Variants in BLK observed in about 807,000 individuals in gnomAD.
BLK encodes tyrosine-protein kinase Blk.
In BLK, 64 loss-of-function variants were observed where a neutral mutation model predicts 61.8. The ratio of observed to expected loss-of-function variants is 1.03; its 90% CI spans 0.85 to 1.27. The LOEUF (loss-of-function observed/expected upper bound fraction) is 1.27, where lower values mean the gene tolerates loss of function less well. BLK is among the 50% of genes most tolerant of loss of function. BLK has a pLI of 0.00. For missense variants in BLK, 853 were observed against 660.5 expected, an observed-to-expected ratio of 1.29 and a Z score of -3.19; for synonymous variants, 351 against 272.0, an observed-to-expected ratio of 1.29 and a Z score of -2.86.
intron 6 of BLK, among the ~76,000 whole-genome samples, chr8:11,552,012 A>T (rs1800927276): frequency 6.6e-6 from 1 of 152,196 alleles, no homozygotes; most frequent in Admixed American, 6.5e-5. Flanking sequence ...ACAGCCTTGT[A>T]GCCAATTTTA....
intron 10 of BLK, chr8:11,560,109 G>A (rs533046030): frequency 2.9e-5 from 6 of 209,842 alleles, no homozygotes; most frequent in Non-Finnish European, 4.6e-5. Flanking sequence ...TGTAGCAAGG[G>A]GATGGATGGA....
At chr8:11,523,428 CT>C (rs1411225965) in intron 1 of BLK, among the ~76,000 whole-genome samples, 3 of 152,064 alleles carry the variant, frequency 2.0e-5, no homozygotes, top group Non-Finnish European at 4.4e-5. Context: ...TGGTGGGCGC[CT>C]GTAGTCCCAG....
At chr8:11,545,174 G>A (rs2245030) in intron 2 of BLK, among the ~76,000 whole-genome samples, 149,624 of 152,342 alleles carry the variant, frequency 0.98, 73,502 homozygotes, top group East Asian at 1. Context: ...GCACGTGGCT[G>A]TTGCTCATTA....
chr8:11,537,256 G>C (rs1282336165), intron 1 of BLK, among the ~76,000 whole-genome samples: 1 of 152,110 alleles, frequency 6.6e-6, no homozygotes, highest in Non-Finnish European at 1.5e-5. Context: ...TAGCATTGGT[G>C]GTTTGTACTG....
intron 1 of BLK, among the ~76,000 whole-genome samples, chr8:11,506,511 C>G (rs1272978233): frequency 6.6e-6 from 1 of 152,036 alleles, no homozygotes; most frequent in Non-Finnish European, 1.5e-5. Context: ...ACTGGATTTA[C>G]GTATGTTGAG....
intron 1 of BLK, among the ~76,000 whole-genome samples, chr8:11,501,523 T>C (rs191752246): frequency 3.3e-5 from 5 of 152,318 alleles, no homozygotes; most frequent in African/African-American, 1.2e-4. Context: ...TGGTAAACGT[T>C]TAACAACCAG....
intron 1 of BLK, among the ~76,000 whole-genome samples, chr8:11,538,843 C>G (rs887228442): frequency 3.3e-5 from 5 of 152,218 alleles, no homozygotes; most frequent in Admixed American, 2.0e-4. Flanking sequence ...CAGGCTGGCC[C>G]TGGCTCCAGG....
chr8:11,523,419 G>C (rs565117143), intron 1 of BLK, among the ~76,000 whole-genome samples: 189 of 152,160 alleles, frequency 1.2e-3, no homozygotes, highest in Admixed American at 3.3e-3. Context: ...CGAGCATGGT[G>C]GTGGGCGCCT....
rs143611630 is a variant in BLK at position 11,527,718 on chromosome 8, C to T, written c.-1-15506C>T. On this transcript the variant is annotated intron_variant, in intron 1 of 12. Transcript: ENST00000259089. Reference sequence around the variant, plus strand: ...GGTGGGGCCACAGGACAAGTTGAGTCATGAGTTTTGAGTTTGGGTGGGGTC... The same window carrying T: ...GGTGGGGCCACAGGACAAGTTGAGTTATGAGTTTTGAGTTTGGGTGGGGTC... Among the ~76,000 whole-genome samples the T allele has an allele frequency of 1.7e-3, 259 of 150,988 alleles. 1 individual carries two copies. The highest frequency in any genetic ancestry group is 6.1e-3 in the African/African-American group (249 of 40,964).
intron 1 of BLK, among the ~76,000 whole-genome samples, chr8:11,525,902 G>A (rs1037008421): frequency 3.9e-5 from 6 of 152,078 alleles, no homozygotes; most frequent in African/African-American, 1.4e-4. Context: ...CCACCACCAT[G>A]TCCGGCTGAT....
In BLK at chr8:11,563,940, C is replaced by G; in HGVS notation, c.1350C>G (p.Arg450=). 1 of 1,608,064 alleles carries G rather than the reference C, an allele frequency of 6.2e-7. No individual in the cohort carries two copies. Among genetic ancestry groups the G allele is most frequent in the Non-Finnish European group, 8.5e-7 (1 of 1,179,416 alleles). ...CCGAGGTCATCCGCAACCTGGAGCGCGGCTACCGCATGCCGCGCCCCGACA... is the reference window on the plus strand; with the variant it reads ...CCGAGGTCATCCGCAACCTGGAGCGGGGCTACCGCATGCCGCGCCCCGACA... ...SNPEVIRNLE[R]GYRMPRPDTC... is the part of the protein sequence containing the mutation. Residue 450 remains arginine (R), a synonymous_variant, in exon 13 of 13, where the codon CGC becomes CGG. Coordinates refer to ENST00000259089, the MANE Select transcript of BLK (RefSeq NM_001715.3).
intron 1 of BLK, among the ~76,000 whole-genome samples, chr8:11,513,923 C>G (rs1273781953): frequency 6.6e-6 from 1 of 152,148 alleles, no homozygotes; most frequent in Non-Finnish European, 1.5e-5. Context: ...CTCGGAGAAG[C>G]CTGCACCTTG....
At chr8:11,540,354 G>A (rs1036596981) in intron 1 of BLK, among the ~76,000 whole-genome samples, 1 of 151,900 alleles carries the variant, frequency 6.6e-6, no homozygotes, top group African/African-American at 2.4e-5. Context: ...ACCAAAATCT[G>A]TTTGTATGTT....
intron 1 of BLK, among the ~76,000 whole-genome samples, chr8:11,518,030 C>T (rs763821211): frequency 1.3e-5 from 2 of 152,166 alleles, no homozygotes; most frequent in Admixed American, 6.5e-5. Flanking sequence ...AGGGCCTGCC[C>T]CAGATGCCAG....
intron 1 of BLK, among the ~76,000 whole-genome samples, chr8:11,497,161 C>T (rs1201374653): frequency 6.6e-6 from 1 of 152,118 alleles, no homozygotes; most frequent in South Asian, 2.1e-4. Flanking sequence ...GAAGACAGCA[C>T]GTAGATGGAA....
chr8:11,563,850 A>C, intron 12 of BLK, 53 bp from the exon 13 acceptor site: 8 of 1,515,910 alleles, frequency 5.3e-6, no homozygotes, highest in South Asian at 2.4e-5. Flanking sequence ...AGGGCCCCCC[A>C]CCCACCGAGG....
At chr8:11,515,000 G>C (rs923039157) in intron 1 of BLK, among the ~76,000 whole-genome samples, 6 of 152,070 alleles carry the variant, frequency 3.9e-5, no homozygotes, top group Admixed American at 6.6e-5. Context: ...CACCTCTTCT[G>C]GAGTCCTCCC....
chr8:11,563,789 T>A (rs951253648), intron 12 of BLK, 114 bp from the exon 13 acceptor site: 9 of 1,003,438 alleles, frequency 9.0e-6, no homozygotes, highest in African/African-American at 8.1e-5. Context: ...GGTCTGGGAC[T>A]GTGGGCACTG....
chr8:11,545,440 T>C (rs1800587585), intron 2 of BLK, among the ~76,000 whole-genome samples: 1 of 152,114 alleles, frequency 6.6e-6, no homozygotes, highest in Non-Finnish European at 1.5e-5. Flanking sequence ...TCTCAGCTAC[T>C]TGGGAGGCTG....
Sources: allele counts gnomAD v4.1 joint callset (sites outside exome capture counted in the v4.1 genomes callset), GRCh38; gene constraint gnomAD v4.1.1; transcripts MANE v1.5; gene names NCBI Gene and HGNC (gene_info 2026-07-23, HGNC 2026-07-21).